Variants in RYR3 observed in about 807,000 individuals in gnomAD.
The protein encoded by RYR3 is brain ryanodine receptor-calcium release channel.
A neutral mutation model predicts 584.3 loss-of-function variants in RYR3; 207 were observed. The ratio of observed to expected loss-of-function variants is 0.35; its 90% confidence interval spans 0.32 to 0.40. The LOEUF (loss-of-function observed/expected upper bound fraction) is 0.40. Among genes scored for constraint, RYR3 ranks in the 10% least tolerant of loss-of-function variants. RYR3 has a pLI of 1.00. For missense variants in RYR3, 5,616 were observed against 6,089.2 expected, an observed-to-expected ratio of 0.92 and a Z score of 2.59; for synonymous variants, 2,416 against 2,248.5, an observed-to-expected ratio of 1.07 and a Z score of -2.11.
At position 33,701,055 on chromosome 15, in the gene RYR3, G is replaced by A; in HGVS notation, c.6458G>A (p.Ser2153Asn). 1 of 1,613,006 alleles carries A rather than the reference G, an allele frequency of 6.2e-7. No homozygotes were observed. Among genetic ancestry groups the A allele is most frequent in the Non-Finnish European group, 8.5e-7 (1 of 1,179,520 alleles). The change falls in exon 42 of 104, where the codon AGC (serine) becomes AAC (asparagine). Residue 2153 changes from serine (S) to asparagine (N), a missense_variant. Around this residue, in one of 9 missense-constraint regions of RYR3, gnomAD observed 1,280 missense variants for 1,426.2 expected, o/e 0.90. Transcript: ENST00000634891. ...ATGGACAACAATGAGTTAGCGCTGA[G>A]CTTAGAGGAACCAGACCTCGAGAAG... Reference protein sequence around the residue: ...SVMDNNELALSLEEPDLEKVV... With the variant: ...SVMDNNELALNLEEPDLEKVV...
In RYR3 at chr15:33,574,623, A is replaced by G. The variant is rs568387507; in HGVS notation, c.1269-5353A>G. ...TGCATGCACTTGGCATTTTTAATAC[A>G]AAATTGGAATGATCACCTCACAGCC... On this transcript the variant is annotated intron_variant, in intron 12 of 103. Transcript: ENST00000634891. Among the ~76,000 whole-genome samples, 10 of 152,286 alleles carry G rather than the reference A, an allele frequency of 6.6e-5. No homozygotes were observed. In the South Asian group the frequency reaches 2.1e-3, roughly 32 times the overall value.
In RYR3 at chr15:33,694,335, C is replaced by T. The variant is rs562841016; in HGVS notation, c.5861-1883C>T. Reference sequence around the variant, plus strand: ...TCTCAGCTCACTGCAAGCTCCGCCTCCCGGGTTCACGCCATTCTCCTGCCT... The same window carrying T: ...TCTCAGCTCACTGCAAGCTCCGCCTTCCGGGTTCACGCCATTCTCCTGCCT... On this transcript the variant is annotated intron_variant, in intron 38 of 103. Transcript: ENST00000634891. Among the ~76,000 whole-genome samples the T allele has an allele frequency of 2.9e-3, 433 of 151,798 alleles. 1 individual carries two copies. The highest frequency in any genetic ancestry group is 4.2e-3 in the Non-Finnish European group (288 of 67,908).
rs1178996116 is a variant in RYR3 at position 33,751,002 on chromosome 15, GT to G, written c.8399+717del. On this transcript the variant is annotated intron_variant, in intron 57 of 103. Coordinates refer to ENST00000634891, the MANE Select transcript of RYR3 (RefSeq NM_001036.6). ...GTTTTCTGTTTGGTTTTCAGTTCTT[GT>G]GTTAATTTGCTGAGAATGATGGTTT... 8.9e-4 allele frequency among the ~76,000 whole-genome samples: 136 copies of G among 152,226 alleles called. 1 individual carries two copies. The highest frequency in any genetic ancestry group is 1.4e-3 in the Non-Finnish European group (96 of 68,026).
At chr15:33,361,359 C>G (rs1974743318) in intron 1 of RYR3, among the ~76,000 whole-genome samples, 1 of 152,144 alleles carries the variant, frequency 6.6e-6, no homozygotes, top group Non-Finnish European at 1.5e-5. Flanking sequence ...TACATGAATA[C>G]AGTTTTTATA....
intron 67 of RYR3, among the ~76,000 whole-genome samples, chr15:33,794,358 T>C (rs1406809751): frequency 2.2e-5 from 3 of 137,282 alleles, no homozygotes; most frequent in Non-Finnish European, 4.7e-5. Context: ...AATATATATA[T>C]ATATAAAATC....
chr15:33,542,959 C>T (rs2055941859), intron 7 of RYR3, among the ~76,000 whole-genome samples: 1 of 151,986 alleles, frequency 6.6e-6, no homozygotes, highest in South Asian at 2.1e-4. Context: ...TCATTGTTTC[C>T]TTTCCATCTC....
In RYR3 at chr15:33,822,964, G is replaced by A. The variant is rs769635683; in HGVS notation, c.10996-32G>A. On this transcript the variant is annotated intron_variant, in intron 80 of 103. Transcript: ENST00000634891. Reference sequence around the variant, plus strand: ...TCAGCTCTGTGGTATAGTTTTCATCGCTTTTCCCCTTACAACGTGTCTCCC... The same window carrying A: ...TCAGCTCTGTGGTATAGTTTTCATCACTTTTCCCCTTACAACGTGTCTCCC... 85 of 1,583,422 alleles carry A rather than the reference G, an allele frequency of 5.4e-5. 1 individual carries two copies. The highest frequency in any genetic ancestry group is 1.7e-4 in the Middle Eastern group (1 of 5,986).
chr15:33,697,163 T>G lies in RYR3; in HGVS notation c.6134+672T>G, dbSNP rs1457865177. Among the ~76,000 whole-genome samples the G allele has an allele frequency of 7.2e-5, 11 of 152,272 alleles. No individual in the cohort carries two copies. The East Asian group carries it at 1.9e-3, about 27-fold the overall frequency. Reference sequence around the variant, plus strand: ...TACCTAACTTTTCATCCTACCACCCTTGAGCCAGCATACCAAAGGAGCATC... The same window carrying G: ...TACCTAACTTTTCATCCTACCACCCGTGAGCCAGCATACCAAAGGAGCATC... On this transcript the variant is annotated intron_variant, in intron 39 of 103. Coordinates refer to ENST00000634891, the MANE Select transcript of RYR3 (RefSeq NM_001036.6).
intron 43 of RYR3, among the ~76,000 whole-genome samples, chr15:33,717,671 TA>T (rs1242371950): frequency 3.3e-5 from 5 of 152,214 alleles, no homozygotes; most frequent in Admixed American, 3.3e-4. Flanking sequence ...CTCAAAGGCA[TA>T]AAATAATAAG....
chr15:33,436,255 A>G (rs1017269953), intron 1 of RYR3, among the ~76,000 whole-genome samples: 4 of 152,166 alleles, frequency 2.6e-5, no homozygotes, highest in African/African-American at 9.7e-5. Context: ...GATGGAGTGA[A>G]ATAGTGTCAC....
At chr15:33,380,722 CCTCT>C (rs1411813206) in intron 1 of RYR3, among the ~76,000 whole-genome samples, 1 of 152,192 alleles carries the variant, frequency 6.6e-6, no homozygotes, top group African/African-American at 2.4e-5. Flanking sequence ...GTATGGTATT[CCTCT>C]GACAGACAGG....
At chr15:33,324,982 G>A (rs1425757787) in intron 1 of RYR3, among the ~76,000 whole-genome samples, 3 of 152,110 alleles carry the variant, frequency 2.0e-5, no homozygotes. Context: ...CTGATTCTCA[G>A]GACTAAACAC....
intron 72 of RYR3, 149 bp from the exon 73 acceptor site, chr15:33,812,714 G>T: frequency 1.5e-6 from 1 of 677,998 alleles, no homozygotes. Context: ...AGTATCTACA[G>T]TGTTCCAGAA....
chr15:33,399,811 G>A (rs764601499), intron 1 of RYR3, among the ~76,000 whole-genome samples: 2 of 152,072 alleles, frequency 1.3e-5, no homozygotes, highest in Non-Finnish European at 1.5e-5. Flanking sequence ...ATAAATAAAT[G>A]TATGGAAATA....
chr15:33,551,080 A>C (rs1225808925), intron 10 of RYR3, among the ~76,000 whole-genome samples: 2 of 152,214 alleles, frequency 1.3e-5, no homozygotes, highest in Non-Finnish European at 2.9e-5. Flanking sequence ...TACTCTGTCT[A>C]ACTCAGTGCT....
intron 19 of RYR3, among the ~76,000 whole-genome samples, chr15:33,615,514 T>C (rs2060404747): frequency 1.3e-5 from 2 of 152,226 alleles, no homozygotes; most frequent in South Asian, 4.1e-4. Context: ...AACATATTCA[T>C]ATAAATGGAT....
chr15:33,642,359 G>C lies in RYR3; in HGVS notation c.3557-1952G>C, dbSNP rs992571305. On this transcript the variant is annotated intron_variant, in intron 27 of 103. Coordinates refer to ENST00000634891, the MANE Select transcript of RYR3 (RefSeq NM_001036.6). ...TCACATCAAGGCTGGACTATTTCATGATCTTCATGTTCATGGCTCCAAGAT... is the reference window on the plus strand; with the variant it reads ...TCACATCAAGGCTGGACTATTTCATCATCTTCATGTTCATGGCTCCAAGAT... 2.0e-5 allele frequency among the ~76,000 whole-genome samples: 3 copies of C among 152,296 alleles called. No homozygotes were observed. The East Asian group carries it at 5.8e-4, about 29-fold the overall frequency.
chr15:33,851,144 C>T (rs899388388), intron 94 of RYR3: 1 of 152,118 alleles, frequency 6.6e-6, no homozygotes, highest in Non-Finnish European at 1.5e-5. Flanking sequence ...ATTTTCCTGA[C>T]AGTAGATATT....
intron 38 of RYR3, among the ~76,000 whole-genome samples, chr15:33,680,203 G>A (rs903944388): frequency 3.3e-5 from 5 of 152,298 alleles, no homozygotes; most frequent in African/African-American, 1.2e-4. Context: ...GGATGTCCTG[G>A]TACTTGGAAG....
Sources: allele counts gnomAD v4.1 joint callset (sites outside exome capture counted in the v4.1 genomes callset), GRCh38; gene constraint gnomAD v4.1.1; regional missense constraint gnomAD v4.1.1; transcripts MANE v1.5; gene names NCBI Gene and HGNC (gene_info 2026-07-23, HGNC 2026-07-21).